CCDC171: variants seen among roughly 807,000 people sequenced by gnomAD.
CCDC171 encodes the protein coiled-coil domain containing 171, also known as coiled-coil domain-containing protein 171.
Under a neutral mutation model 168.2 loss-of-function variants are expected in CCDC171, and 177 were observed. The ratio of observed to expected loss-of-function variants is 1.05; its 90% CI spans 0.93 to 1.19. The LOEUF is 1.19. CCDC171 is among the 50% of genes most tolerant of loss of function. CCDC171 has a pLI of 0.00. For missense variants in CCDC171, 1,991 were observed against 1,539.0 expected (o/e 1.29, Z -4.91); for synonymous variants, 687 against 540.8 (o/e 1.27, Z -3.75).
chr9:15,949,012 A>T (rs1828780438), intron 25 of CCDC171, among the ~76,000 whole-genome samples: 3 of 152,154 alleles, frequency 2.0e-5, no homozygotes, highest in Non-Finnish European at 4.4e-5. Flanking sequence ...AGGTGTAAGG[A>T]AGGGATCCAG....
intron 8 of CCDC171, 86 bp downstream of exon 8, chr9:15,657,305 A>C: frequency 2.7e-6 from 2 of 746,190 alleles, no homozygotes; most frequent in East Asian, 5.4e-5. Context: ...TCAGAGAACG[A>C]AGGTGTGCAT....
intron 12 of CCDC171, among the ~76,000 whole-genome samples, chr9:15,723,132 A>G (rs1196023562): frequency 6.6e-6 from 1 of 152,216 alleles, no homozygotes; most frequent in Non-Finnish European, 1.5e-5. Flanking sequence ...TCTGACAGAA[A>G]GAAGAATGAA....
At chr9:15,624,775 G>A (rs961633234) in intron 7 of CCDC171, among the ~76,000 whole-genome samples, 19 of 152,212 alleles carry the variant, frequency 1.2e-4, no homozygotes, top group South Asian at 4.2e-4. Flanking sequence ...GTAAACATAC[G>A]TGTGCATGTG....
chr9:15,944,683 A>AT (rs1170716504), intron 25 of CCDC171, among the ~76,000 whole-genome samples: 1 of 151,954 alleles, frequency 6.6e-6, no homozygotes, highest in Non-Finnish European at 1.5e-5. Context: ...TCCTGTTATT[A>AT]TTGTTAATGC....
intron 9 of CCDC171, among the ~76,000 whole-genome samples, chr9:15,666,603 G>A (rs544331451): frequency 3.9e-5 from 6 of 152,182 alleles, no homozygotes; most frequent in Admixed American, 1.3e-4. Context: ...GTGATGTAAC[G>A]CAATATCTTT....
intron 24 of CCDC171, among the ~76,000 whole-genome samples, chr9:15,907,789 C>A (rs201612689): frequency 2.6e-5 from 4 of 152,008 alleles, no homozygotes; most frequent in African/African-American, 7.2e-5. Flanking sequence ...CAGAATCTAC[C>A]ATGAACTCCA....
intron 25 of CCDC171, among the ~76,000 whole-genome samples, chr9:15,930,625 C>T (rs10810481): frequency 0.32 from 48,045 of 151,296 alleles, 9,447 homozygotes; most frequent in East Asian, 0.62. Flanking sequence ...AAAATGAACT[C>T]TACTTAGGCC....
chr9:15,899,424 A>G (rs1305341096), intron 24 of CCDC171, among the ~76,000 whole-genome samples: 3 of 152,162 alleles, frequency 2.0e-5, no homozygotes, highest in African/African-American at 7.2e-5. Flanking sequence ...TGTTTCCAGA[A>G]TGACTGCCAT....
chr9:15,739,913 A>G (rs779292185), intron 16 of CCDC171, among the ~76,000 whole-genome samples: 2 of 151,826 alleles, frequency 1.3e-5, no homozygotes, highest in Admixed American at 6.6e-5. Context: ...AATTTTTTGT[A>G]TTTTTAGTAG....
intron 1 of CCDC171, among the ~76,000 whole-genome samples, chr9:15,557,172 T>C (rs963092422): frequency 6.6e-5 from 10 of 152,100 alleles, no homozygotes; most frequent in African/African-American, 9.7e-5. Flanking sequence ...AGTCAGGTAG[T>C]GTGATGCCTC....
intron 4 of CCDC171, among the ~76,000 whole-genome samples, chr9:15,583,992 G>A (rs190904837): frequency 5.9e-5 from 9 of 151,964 alleles, no homozygotes; most frequent in Non-Finnish European, 1.0e-4. Flanking sequence ...TCAGCCTCCC[G>A]AGTGGCTGGG....
chr9:15,905,544 G>C (rs147010921), intron 24 of CCDC171, among the ~76,000 whole-genome samples: 199 of 152,224 alleles, frequency 1.3e-3, no homozygotes, highest in African/African-American at 4.6e-3. Context: ...GAAGTTTATA[G>C]CATTAAATGC....
intron 4 of CCDC171, among the ~76,000 whole-genome samples, chr9:15,590,115 A>C (rs1424479821): frequency 6.6e-6 from 1 of 152,196 alleles, no homozygotes; most frequent in African/African-American, 2.4e-5. Flanking sequence ...AATGCAAAGG[A>C]TCAGGAGTCA....
intron 3 of CCDC171, among the ~76,000 whole-genome samples, chr9:15,979,767 T>G (rs1045123651): frequency 6.6e-6 from 1 of 151,968 alleles, no homozygotes; most frequent in Non-Finnish European, 1.5e-5. Context: ...TGTGATATCT[T>G]TATCTAGTAT....
At chr9:15,612,755 C>T (rs1193063518) in intron 6 of CCDC171, among the ~76,000 whole-genome samples, 1 of 152,000 alleles carries the variant, frequency 6.6e-6, no homozygotes. Flanking sequence ...GTTTCCATGC[C>T]ATTCTTTGCA....
chr9:16,065,407 G>A (rs1348408138), downstream of CCDC171, among the ~76,000 whole-genome samples: 1 of 152,138 alleles, frequency 6.6e-6, no homozygotes, highest in Non-Finnish European at 1.5e-5. Flanking sequence ...CTCTGTGGGT[G>A]CCAGAGAACT....
In CCDC171 at chr9:15,743,386, G is replaced by A. The variant is rs188850548; in HGVS notation, c.2050-887G>A. ...GGGGTCTTGCTATGTTGCCCAGGAT[G>A]GTCTCAAACTCTTGAGCTCAAGCAA... is the stretch of plus-strand genomic sequence containing the variant. On this transcript the variant is annotated intron_variant, in intron 16 of 25. Transcript: ENST00000380701. 7.3e-5 allele frequency among the ~76,000 whole-genome samples: 11 copies of A among 151,668 alleles called. No homozygotes were observed. In the East Asian group the frequency reaches 2.1e-3, roughly 29 times the overall value.
intron 2 of CCDC171, among the ~76,000 whole-genome samples, chr9:15,570,847 C>G (rs1301435871): frequency 2.0e-5 from 3 of 152,148 alleles, no homozygotes; most frequent in East Asian, 3.8e-4. Context: ...TCATTTGTAT[C>G]TAATGTCTTC....
chr9:16,091,672 C>T, the CCDC171 span, among the ~76,000 whole-genome samples: 9 of 152,158 alleles, frequency 5.9e-5, no homozygotes, highest in Admixed American at 4.6e-4. Context: ...GCTGGGAATA[C>T]CTGCAGTTGC....
Sources: gnomAD v4.1 joint callset for allele counts (sites outside exome capture counted in the v4.1 genomes callset) on GRCh38, gnomAD v4.1.1 for gene constraint, MANE v1.5 for transcripts, NCBI Gene and HGNC (gene_info 2026-07-23, HGNC 2026-07-21) for gene names.